The following PRTG variants were observed in gnomAD, a reference collection of about 807,000 sequenced individuals.
PRTG encodes the protein immunoglobulin superfamily, DCC subclass, member 5.
Under a neutral mutation model 122.5 loss-of-function variants are expected in PRTG, and 67 were observed. That is an observed-to-expected ratio of 0.55 (90% CI 0.45 to 0.67). The LOEUF is 0.67. Ranked by LOEUF, PRTG falls within the 30% of genes least tolerant of loss-of-function variation. PRTG has a pLI of 0.00. For missense variants in PRTG, 1,435 were observed against 1,415.4 expected, an observed-to-expected ratio of 1.01 and a Z score of -0.22; for synonymous variants, 554 against 501.1, an observed-to-expected ratio of 1.11 and a Z score of -1.41.
At chr15:55,641,693 G>GA (rs1450186532) in intron 11 of PRTG, among the ~76,000 whole-genome samples, 1 of 152,130 alleles carries the variant, frequency 6.6e-6, no homozygotes, top group African/African-American at 2.4e-5. Flanking sequence ...TAGTACCTTT[G>GA]AAAACTTATA....
chr15:55,670,968 A>C (rs2059467450), intron 11 of PRTG, among the ~76,000 whole-genome samples: 1 of 151,688 alleles, frequency 6.6e-6, no homozygotes, highest in African/African-American at 2.4e-5. Flanking sequence ...GTGTGTGCAC[A>C]CAAAGAAGAG....
Position 55,611,985 on chromosome 15 carries a change from C to T in PRTG, c.*8027G>A, listed in dbSNP as rs1298390949. ...TACAAAATAATTTAACTGGCTCCCACACTTTCATTTAATTCACATCTTTGA... is the reference window on the plus strand; with the variant it reads ...TACAAAATAATTTAACTGGCTCCCATACTTTCATTTAATTCACATCTTTGA... On this transcript the variant is annotated 3_prime_UTR_variant, in exon 20 of 20. Coordinates refer to ENST00000389286, the MANE Select transcript of PRTG (RefSeq NM_173814.6). 6.6e-6 allele frequency: 1 copy of T among 150,806 alleles called. No individual in the cohort carries two copies. The highest frequency in any genetic ancestry group is 6.6e-5 in the Admixed American group (1 of 15,040). 9.3% of individuals were successfully genotyped at this position (150,806 alleles called of 1,614,324 possible).
At chr15:55,731,576 G>C (rs2031236171) in intron 2 of PRTG, among the ~76,000 whole-genome samples, 1 of 151,414 alleles carries the variant, frequency 6.6e-6, no homozygotes, top group Non-Finnish European at 1.5e-5. Flanking sequence ...TCACCATGTC[G>C]GTCAGGCTGG....
In PRTG at chr15:55,672,436, C is replaced by G. The variant is rs749326648; in HGVS notation, c.2041+9G>C. ...GAAAAAGGGAAAAATACAGTACAAA[C>G]TCACTCACCTAAGCCACTGAGAGTA... On this transcript the variant is annotated intron_variant, in intron 11 of 19. Coordinates refer to ENST00000389286, the MANE Select transcript of PRTG (RefSeq NM_173814.6). 1.9e-6 allele frequency: 3 copies of G among 1,606,568 alleles called. No homozygotes were observed. The Admixed American group carries it at 5.1e-5, about 27-fold the overall frequency.
At chr15:55,733,583 T>C (rs1367838602) in intron 2 of PRTG, among the ~76,000 whole-genome samples, 2 of 151,390 alleles carry the variant, frequency 1.3e-5, no homozygotes, top group Admixed American at 1.3e-4. Context: ...TCCTGGCACT[T>C]TGGGAAACCA....
At chr15:55,722,873 G>A (rs1264832630) in intron 2 of PRTG, among the ~76,000 whole-genome samples, 7 of 152,168 alleles carry the variant, frequency 4.6e-5, no homozygotes. Flanking sequence ...AAGAAGTAGT[G>A]ATTTTGTTCC....
chr15:55,676,345 T>C (rs2059502949), intron 8 of PRTG, among the ~76,000 whole-genome samples: 1 of 152,132 alleles, frequency 6.6e-6, no homozygotes, highest in African/African-American at 2.4e-5. Context: ...AGAAGAGGAT[T>C]TGTCTTTGTA....
intron 3 of PRTG, 52 bp downstream of exon 3, chr15:55,683,735 T>G (rs2059554308): frequency 1.3e-6 from 2 of 1,481,698 alleles, no homozygotes; most frequent in African/African-American, 1.4e-5. Flanking sequence ...TAATCTCATA[T>G]GAAGTCTTCA....
chr15:55,625,008 T>G (rs1328423293), intron 17 of PRTG, among the ~76,000 whole-genome samples: 2 of 152,230 alleles, frequency 1.3e-5, no homozygotes, highest in Non-Finnish European at 2.9e-5. Context: ...ACTATTTCAT[T>G]AACATAATGT....
chr15:55,723,387 T>G (rs1257325643), intron 2 of PRTG, among the ~76,000 whole-genome samples: 2 of 131,922 alleles, frequency 1.5e-5, no homozygotes, highest in African/African-American at 2.9e-5. Context: ...AAGACTATAA[T>G]GATCTAAAAA....
intron 13 of PRTG, 40 bp from the exon 14 acceptor site, chr15:55,638,716 T>C (rs748863818): frequency 1.3e-6 from 2 of 1,567,030 alleles, no homozygotes; most frequent in South Asian, 1.2e-5. Context: ...GCTGGTAGTA[T>C]AATATTGTTT....
chr15:55,620,028 G>T lies in PRTG; in HGVS notation c.3437C>A (p.Thr1146Lys), dbSNP rs746284197. ...GTGAAAGAATCAGAGGTTGGGGGGT[G>T]TGGTACTTATAACTGAGGACAGATG... Reference protein sequence around the residue: ...EIHLSSVISTTPPNL With the variant: ...EIHLSSVISTKPPNL Residue 1146 changes from threonine (T) to lysine (K), a missense_variant, in exon 20 of 20, where the codon ACA (threonine) becomes AAA (lysine). By Grantham distance (78) the Thr-to-Lys change is moderately conservative. Transcript: ENST00000389286. The T allele has an allele frequency of 6.2e-7, 1 of 1,614,176 alleles. No individual in the cohort carries two copies. Among genetic ancestry groups the T allele is most frequent in the Non-Finnish European group, 8.5e-7 (1 of 1,180,018 alleles).
intron 16 of PRTG, among the ~76,000 whole-genome samples, 181 bp downstream of exon 16, chr15:55,628,641 C>T (rs575358974): frequency 2.1e-4 from 32 of 152,246 alleles, no homozygotes; most frequent in African/African-American, 7.7e-4. Flanking sequence ...GATAATTTTG[C>T]CTCCTTCTAG....
Position 55,643,293 on chromosome 15 carries a change from G to A in PRTG, c.2042-2085C>T, listed in dbSNP as rs79622253. On this transcript the variant is annotated intron_variant, in intron 11 of 19. Transcript: ENST00000389286. ...ACTTAGAAAACTTCTAACCTTTCTA[G>A]ATAGAAAGGTAAGAAGACTAACCTA... Among the ~76,000 whole-genome samples, 620 of 152,176 alleles carry A rather than the reference G, an allele frequency of 4.1e-3. 8 individuals are homozygous for A. Among genetic ancestry groups the A allele is most frequent in the African/African-American group, 0.015 (604 of 41,514 alleles).
intron 18 of PRTG, among the ~76,000 whole-genome samples, chr15:55,623,064 T>A (rs892628342): frequency 6.6e-6 from 1 of 152,226 alleles, no homozygotes; most frequent in Admixed American, 6.5e-5. Context: ...ATATAATTCA[T>A]AAAATTTAGT....
intron 17 of PRTG, among the ~76,000 whole-genome samples, chr15:55,625,896 T>C (rs2059192127): frequency 6.6e-6 from 1 of 152,104 alleles, no homozygotes; most frequent in Admixed American, 6.6e-5. Context: ...GTGCTGGGAT[T>C]ACAGGCGTGA....
intron 2 of PRTG, among the ~76,000 whole-genome samples, chr15:55,727,717 A>C (rs1018347485): frequency 6.6e-6 from 1 of 152,090 alleles, no homozygotes; most frequent in South Asian, 2.1e-4. Context: ...AATCACTTGA[A>C]CCCAGCGGGC....
At chr15:55,683,521 C>T (rs565065433) in intron 3 of PRTG, among the ~76,000 whole-genome samples, 1 of 152,216 alleles carries the variant, frequency 6.6e-6, no homozygotes, top group Non-Finnish European at 1.5e-5. Flanking sequence ...GGCTGCAGTC[C>T]AGATAGTCAT....
At position 55,612,286 on chromosome 15, in the gene PRTG, G is replaced by A. The variant is rs921803515; in HGVS notation, c.*7726C>T. 1.3e-5 allele frequency: 2 copies of A among 151,878 alleles called. No individual in the cohort carries two copies. The highest frequency in any genetic ancestry group is 2.9e-5 in the Non-Finnish European group (2 of 67,906). 9.4% of individuals were successfully genotyped at this position (151,878 alleles called of 1,614,324 possible). A position where few individuals can be genotyped will look rare whatever the true frequency, so the allele number is the denominator to read the frequency against. On this transcript the variant is annotated 3_prime_UTR_variant, in exon 20 of 20. Coordinates refer to ENST00000389286, the MANE Select transcript of PRTG (RefSeq NM_173814.6). The stretch of plus-strand genomic sequence containing the variant: ...TGTAATATTTTTGTTTTTAAAGACA[G>A]TTCCATAGAAAAAATAAACTTCTGT...
Sources: allele counts gnomAD v4.1 joint callset (sites outside exome capture counted in the v4.1 genomes callset), GRCh38; gene constraint gnomAD v4.1.1; transcripts MANE v1.5; gene names NCBI Gene and HGNC (gene_info 2026-07-23, HGNC 2026-07-21).